Variants in PCLO observed in about 807,000 individuals in gnomAD.
PCLO encodes the protein protein piccolo.
Under a neutral mutation model 427.5 loss-of-function variants are expected in PCLO, and 82 were observed. That is an observed-to-expected ratio of 0.19 (90% CI 0.16 to 0.23). PCLO has a LOEUF of 0.23. Ranked by LOEUF, PCLO falls within the 10% of genes least tolerant of loss-of-function variation. The pLI is 1.00. For synonymous variants in PCLO, 2,357 were observed against 2,155.4 expected, an observed-to-expected ratio of 1.09 and a Z score of -2.59; for missense variants, 6,239 against 6,115.9, an observed-to-expected ratio of 1.02 and a Z score of -0.67.
At chr7:82,804,073 A>G (rs1272935780) in intron 21 of PCLO, among the ~76,000 whole-genome samples, 1 of 152,190 alleles carries the variant, frequency 6.6e-6, no homozygotes, top group African/African-American at 2.4e-5. Flanking sequence ...TTGGAAGGAT[A>G]ACAAATTATG....
At chr7:82,951,561 C>A in intron 5 of PCLO, 71 bp from the exon 6 acceptor site, 1 of 1,060,226 alleles carries the variant, frequency 9.4e-7, no homozygotes, top group Non-Finnish European at 1.4e-6. Flanking sequence ...AAAACCCTCT[C>A]ATCTTGATGA....
At chr7:83,150,103 A>G (rs1272256479) in intron 2 of PCLO, among the ~76,000 whole-genome samples, 1 of 152,240 alleles carries the variant, frequency 6.6e-6, no homozygotes, top group Non-Finnish European at 1.5e-5. Flanking sequence ...TATGAAATTT[A>G]ATAAGAGTTG....
At position 82,758,422 on chromosome 7, in the gene PCLO, C is replaced by A. The variant is rs1790361708; in HGVS notation, c.*153G>T. 1.8e-6 allele frequency: 1 copy of A among 553,564 alleles called. No individual in the cohort carries two copies. The highest frequency in any genetic ancestry group is 3.5e-5 in the South Asian group (1 of 28,224). 34.3% of individuals were successfully genotyped at this position (553,564 alleles called of 1,614,324 possible). The stretch of plus-strand genomic sequence containing the variant: ...TTGAATATCTTTGTGTGATCCACAA[C>A]AATAAATGTACAAGGTCTTAAGTAT... On this transcript the variant is annotated 3_prime_UTR_variant, in exon 25 of 25. Transcript: ENST00000333891.
chr7:82,886,448 T>C lies in PCLO; in HGVS notation c.13529-6986A>G, dbSNP rs571962040. Among the ~76,000 whole-genome samples the C allele has an allele frequency of 4.7e-4, 71 of 152,150 alleles. 1 individual carries two copies. The highest frequency in any genetic ancestry group is 8.1e-4 in the Non-Finnish European group (55 of 68,020). ...TATCTATATAGAACAAAGTGCCTTA[T>C]ATGCCTGATTATGTAATAATTATTA... On this transcript the variant is annotated intron_variant, in intron 9 of 24. Coordinates refer to ENST00000333891, the MANE Select transcript of PCLO (RefSeq NM_033026.6).
rs1365418922 is a variant in PCLO at position 82,845,481 on chromosome 7, A to C, written c.13836T>G (p.Asp4612Glu). 1.2e-6 allele frequency: 2 copies of C among 1,606,650 alleles called. No homozygotes were observed. Among genetic ancestry groups the C allele is most frequent in the East Asian group, 4.5e-5 (2 of 44,648 alleles). ...GATCAACCCCTGGGGATTTCGCCTTATCCACTACAACAAAATGAAAGAGAT... is the reference window on the plus strand; with the variant it reads ...GATCAACCCCTGGGGATTTCGCCTTCTCCACTACAACAAAATGAAAGAGAT... ...LELHEPPKAV[D>E]KAKSPGVDPK... Residue 4612 changes from aspartate to glutamate, a missense_variant, in exon 13 of 25, where the codon GAT becomes GAG. Asp to Glu is a conservative substitution (Grantham distance 45, BLOSUM62 2). Around this residue, in one of 5 missense-constraint regions of PCLO, gnomAD observed 877 missense variants for 925.5 expected, o/e 0.95. Transcript: ENST00000333891.
intron 9 of PCLO, among the ~76,000 whole-genome samples, chr7:82,895,020 T>C (rs185813732): frequency 2.6e-5 from 4 of 152,196 alleles, no homozygotes; most frequent in Non-Finnish European, 5.9e-5. Context: ...ACTTGGAAAC[T>C]GTCAGACTCA....
intron 13 of PCLO, among the ~76,000 whole-genome samples, chr7:82,844,143 AC>A (rs1792439679): frequency 6.6e-6 from 1 of 152,182 alleles, no homozygotes; most frequent in Non-Finnish European, 1.5e-5. Flanking sequence ...TAACATAGAA[AC>A]ATCTACAAAA....
chr7:82,915,300 C>A lies in PCLO; in HGVS notation c.12686G>T (p.Gly4229Val). 1 of 1,613,584 alleles carries A rather than the reference C, an allele frequency of 6.2e-7. No individual in the cohort carries two copies. Among genetic ancestry groups the A allele is most frequent in the Non-Finnish European group, 8.5e-7 (1 of 1,179,692 alleles). ...YMTSSTSSIG[G>V]ISSRARLLQD... ...AAGGAGCCTTGCCCTGGAGGAAATGCCACCAATAGATGAAGTGCTAGAAGT... is the reference window on the plus strand; with the variant it reads ...AAGGAGCCTTGCCCTGGAGGAAATGACACCAATAGATGAAGTGCTAGAAGT... Residue 4229 changes from glycine to valine, a missense_variant, in exon 7 of 25, where the codon GGC becomes GTC. Physicochemically the swap from Gly to Val is moderately radical, Grantham distance 109. Around this residue, in one of 5 missense-constraint regions of PCLO, gnomAD observed 680 missense variants for 677.3 expected, o/e 1.00. Coordinates refer to ENST00000333891, the MANE Select transcript of PCLO (RefSeq NM_033026.6).
chr7:83,055,907 T>A (rs202170084), intron 3 of PCLO, among the ~76,000 whole-genome samples: 1 of 152,148 alleles, frequency 6.6e-6, no homozygotes, highest in Non-Finnish European at 1.5e-5. Flanking sequence ...GACATCCAAC[T>A]TCTCGCTTGG....
intron 23 of PCLO, 88 bp from the exon 24 acceptor site, chr7:82,760,872 T>TA (rs1790416738): frequency 1.7e-6 from 1 of 601,164 alleles, no homozygotes; most frequent in Non-Finnish European, 2.7e-6. Context: ...GAGTTCTTGT[T>TA]ACATTTTGCA....
chr7:83,162,051 G>A lies in PCLO; in HGVS notation c.248+294C>T, dbSNP rs189995558. 1.6e-3 allele frequency among the ~76,000 whole-genome samples: 251 copies of A among 152,294 alleles called. 1 individual carries two copies. The highest frequency in any genetic ancestry group is 5.7e-3 in the African/African-American group (237 of 41,564). ...CTTCCAGATTAGTAAAACACTGGAGGGCGTCTCTCCACGCCATCCTAGAGG... is the reference window on the plus strand; with the variant it reads ...CTTCCAGATTAGTAAAACACTGGAGAGCGTCTCTCCACGCCATCCTAGAGG... On this transcript the variant is annotated intron_variant, in intron 1 of 24. Transcript: ENST00000333891.
chr7:82,798,115 C>G (rs559733653), intron 22 of PCLO, among the ~76,000 whole-genome samples: 1 of 152,208 alleles, frequency 6.6e-6, no homozygotes, highest in African/African-American at 2.4e-5. Context: ...ATGATATACT[C>G]TGGATTAAAG....
intron 10 of PCLO, among the ~76,000 whole-genome samples, chr7:82,853,561 A>C (rs763644758): frequency 6.6e-6 from 1 of 152,184 alleles, no homozygotes; most frequent in Non-Finnish European, 1.5e-5. Context: ...TATAGGAATA[A>C]GGCTTTCAAA....
At chr7:83,040,207 C>T (rs1247799075) in intron 3 of PCLO, among the ~76,000 whole-genome samples, 4 of 152,056 alleles carry the variant, frequency 2.6e-5, no homozygotes, top group African/African-American at 9.7e-5. Context: ...ATTCTTCAGA[C>T]ACTTAGTATT....
At chr7:82,912,170 C>T (rs10954692) in intron 7 of PCLO, among the ~76,000 whole-genome samples, 53,066 of 151,786 alleles carry the variant, frequency 0.35, 11,437 homozygotes, top group East Asian at 0.6. Flanking sequence ...TGTTATACTA[C>T]TCAAAATTAT....
intron 3 of PCLO, among the ~76,000 whole-genome samples, chr7:83,107,551 A>G (rs1562967367): frequency 6.6e-6 from 1 of 151,964 alleles, no homozygotes; most frequent in African/African-American, 2.4e-5. Context: ...ATATATATTT[A>G]GGTACAGATA....
Position 82,801,514 on chromosome 7 carries a change from T to G in PCLO, c.15007+4A>C, listed in dbSNP as rs777712828. 3.0e-5 allele frequency: 45 copies of G among 1,520,952 alleles called. No individual in the cohort carries two copies. The highest frequency in any genetic ancestry group is 3.7e-6 in the Non-Finnish European group (4 of 1,095,708). The allele number at this position is 1,520,952 out of a possible 1,614,324, so 94.2% of individuals were successfully genotyped here. ...AAAATCCAATATTGTAAATTTTTAC[T>G]TACCTTCAGTGTCTGCTAGTCCTAC... On this transcript the variant is annotated splice_donor_region_variant and intron_variant, in intron 22 of 24. Coordinates refer to ENST00000333891, the MANE Select transcript of PCLO (RefSeq NM_033026.6).
At chr7:83,138,227 G>A (rs975490661) in intron 2 of PCLO, among the ~76,000 whole-genome samples, 6 of 152,064 alleles carry the variant, frequency 3.9e-5, no homozygotes, top group Non-Finnish European at 8.8e-5. Flanking sequence ...TAAATTTCCA[G>A]GATTAGTAAT....
intron 3 of PCLO, among the ~76,000 whole-genome samples, chr7:83,101,047 T>C (rs1790724720): frequency 6.6e-6 from 1 of 151,988 alleles, no homozygotes; most frequent in Admixed American, 6.6e-5. Context: ...GATTTTTGCA[T>C]TTATTTATAG....
Sources: allele counts gnomAD v4.1 joint callset (sites outside exome capture counted in the v4.1 genomes callset), GRCh38; gene constraint gnomAD v4.1.1; regional missense constraint gnomAD v4.1.1; transcripts MANE v1.5; gene names NCBI Gene and HGNC (gene_info 2026-07-23, HGNC 2026-07-21).